Variants in BCL2 observed in about 807,000 individuals in gnomAD.
BCL2 encodes apoptosis regulator Bcl-2.
A neutral mutation model predicts 14.2 loss-of-function variants in BCL2; 1 was observed. That is an observed-to-expected ratio of 0.07 (90% CI 0.02 to 0.33). The LOEUF is 0.33. Ranked by LOEUF, BCL2 falls within the 10% of genes least tolerant of loss-of-function variation. BCL2 has a pLI of 0.99. For missense variants in BCL2, 247 were observed against 305.9 expected, an observed-to-expected ratio of 0.81 and a Z score of 1.44; for synonymous variants, 151 against 137.2, an observed-to-expected ratio of 1.10 and a Z score of -0.70.
chr18:63,315,931 T>A (rs943641795), intron 2 of BCL2: 13 of 152,662 alleles, frequency 8.5e-5, no homozygotes, highest in Admixed American at 2.6e-4. Context: ...TTCTGAAAGC[T>A]ATTACATATT....
At chr18:63,287,714 A>C (rs908839304) in intron 2 of BCL2, among the ~76,000 whole-genome samples, 1 of 152,198 alleles carries the variant, frequency 6.6e-6, no homozygotes, top group African/African-American at 2.4e-5. Context: ...TGCAAGAAGG[A>C]ATGAGAGGTT....
rs2144322257 is a variant in BCL2, at chr18:63,318,246, C to T, written c.421G>A (p.Gly141Arg). ...GCCACAATCCTCCCCCAGTTCACCC[C>T]GTCCCTGAAGAGCTCCTCCACCACC... ...ATVVEELFRD[G>R]VNWGRIVAFF... Residue 141 changes from glycine to arginine, a missense_variant, in exon 2 of 3, where the codon GGG (glycine) becomes AGG (arginine). Around this residue, in one of 3 missense-constraint regions of BCL2, gnomAD observed 67 missense variants for 145.7 expected, o/e 0.46. Transcript: ENST00000333681. This position sits in a 1 kb window ranked among gnomAD's most constrained non-coding sequence, Gnocchi z 7.4. The T allele has an allele frequency of 6.2e-7, 1 of 1,614,236 alleles. No homozygotes were observed.
intron 2 of BCL2, among the ~76,000 whole-genome samples, chr18:63,241,238 G>A (rs761478706): frequency 3.3e-5 from 5 of 152,160 alleles, no homozygotes; most frequent in South Asian, 4.1e-4. Context: ...TTTACATAGC[G>A]CTTGTTATTT....
At chr18:63,197,038 C>A (rs925740998) in intron 2 of BCL2, among the ~76,000 whole-genome samples, 3 of 152,190 alleles carry the variant, frequency 2.0e-5, no homozygotes, top group Non-Finnish European at 4.4e-5. Flanking sequence ...ATCTTCTTCA[C>A]GTTTTGATTT....
At chr18:63,208,877 G>A (rs1909918770) in intron 2 of BCL2, among the ~76,000 whole-genome samples, 1 of 152,142 alleles carries the variant, frequency 6.6e-6, no homozygotes, top group African/African-American at 2.4e-5. Context: ...CTGCCACGTT[G>A]TCCTGAACAA....
intron 2 of BCL2, among the ~76,000 whole-genome samples, chr18:63,215,031 T>A (rs934230579): frequency 2.2e-4 from 33 of 152,150 alleles, no homozygotes; most frequent in African/African-American, 7.0e-4. Flanking sequence ...TTTCTATAAA[T>A]AATACTTCCC....
At chr18:63,260,455 T>C (rs1011004350) in intron 2 of BCL2, among the ~76,000 whole-genome samples, 1 of 152,186 alleles carries the variant, frequency 6.6e-6, no homozygotes, top group Non-Finnish European at 1.5e-5. Context: ...TACTAGTCCA[T>C]AGAACTTTCC....
At chr18:63,190,881 T>C (rs1282044626) in intron 2 of BCL2, among the ~76,000 whole-genome samples, 1 of 152,114 alleles carries the variant, frequency 6.6e-6, no homozygotes, top group East Asian at 1.9e-4. Context: ...CAGGCTCCAG[T>C]GTGTTGTTCC....
intron 2 of BCL2, among the ~76,000 whole-genome samples, chr18:63,252,617 G>T (rs1255506153): frequency 6.6e-6 from 1 of 152,128 alleles, no homozygotes; most frequent in East Asian, 1.9e-4. Flanking sequence ...AGCTCTCTTT[G>T]CCTGCCACCA....
intron 2 of BCL2, among the ~76,000 whole-genome samples, chr18:63,244,469 G>T (rs1435624708): frequency 4.6e-5 from 7 of 152,184 alleles, no homozygotes. Flanking sequence ...TGAGGCAGGA[G>T]AATCACTTGA....
chr18:63,138,841 C>T lies in BCL2; in HGVS notation c.586-10082G>A, dbSNP rs1040433589. Among the ~76,000 whole-genome samples, 10 of 152,360 alleles carry T rather than the reference C, an allele frequency of 6.6e-5. No homozygotes were observed. In the South Asian group the frequency reaches 1.2e-3, roughly 19 times the overall value. On this transcript the variant is annotated intron_variant, in intron 2 of 2. Coordinates refer to ENST00000333681, the MANE Select transcript of BCL2 (RefSeq NM_000633.3). ...TGGTCCAGGGAAGTTCTGGTGTGTT[C>T]TGTTATGCAAATTTAGCTAAGAATG...
chr18:63,125,209 A>G lies in BCL2; in HGVS notation c.*3416T>C. 4.4e-6 allele frequency: 1 copy of G among 225,272 alleles called. No homozygotes were observed. The allele number at this position is 225,272 out of a possible 1,614,324, so 14.0% of individuals were successfully genotyped here. On this transcript the variant is annotated 3_prime_UTR_variant, in exon 3 of 3. Coordinates refer to ENST00000333681, the MANE Select transcript of BCL2 (RefSeq NM_000633.3). The stretch of plus-strand genomic sequence containing the variant: ...TAAAACAAAGATCACATATAAATGG[A>G]AGGCCACATCTGAACACAGAGAGGT...
At chr18:63,141,758 C>G (rs949926978) in intron 2 of BCL2, among the ~76,000 whole-genome samples, 1 of 152,250 alleles carries the variant, frequency 6.6e-6, no homozygotes, top group Admixed American at 6.5e-5. Context: ...ACGCCACTGT[C>G]CATACCTGTC....
intron 2 of BCL2, among the ~76,000 whole-genome samples, chr18:63,271,946 T>G: frequency 6.6e-6 from 1 of 152,238 alleles, no homozygotes; most frequent in Non-Finnish European, 1.5e-5. Flanking sequence ...AAGTTCCTCC[T>G]TCTGCTTCCC....
At chr18:63,292,945 G>T (rs778211886) in intron 2 of BCL2, among the ~76,000 whole-genome samples, 1 of 152,236 alleles carries the variant, frequency 6.6e-6, no homozygotes, top group African/African-American at 2.4e-5. Context: ...TAATAATAGC[G>T]ACGGCTCTCA....
At chr18:63,161,446 C>T (rs189459376) in intron 2 of BCL2, among the ~76,000 whole-genome samples, 70 of 152,292 alleles carry the variant, frequency 4.6e-4, no homozygotes, top group African/African-American at 1.6e-3. Flanking sequence ...TTCTTTGCAA[C>T]GAATGAAGAC....
Position 63,290,252 on chromosome 18 carries a change from T to G in BCL2, c.585+27830A>C, listed in dbSNP as rs568889583. 2.0e-3 allele frequency among the ~76,000 whole-genome samples: 303 copies of G among 152,256 alleles called. 1 individual carries two copies. Among genetic ancestry groups the G allele is most frequent in the African/African-American group, 7.0e-3 (292 of 41,540 alleles). On this transcript the variant is annotated intron_variant, in intron 2 of 2. Transcript: ENST00000333681. Reference sequence around the variant, plus strand: ...TTGAACTGCCAACAGGAAGTCCAGATAGAAAGGGTCATCAGGAAATAGTAT... The same window carrying G: ...TTGAACTGCCAACAGGAAGTCCAGAGAGAAAGGGTCATCAGGAAATAGTAT...
At chr18:63,182,738 T>C (rs905802191) in intron 2 of BCL2, among the ~76,000 whole-genome samples, 1 of 152,214 alleles carries the variant, frequency 6.6e-6, no homozygotes, top group African/African-American at 2.4e-5. Flanking sequence ...CAAACATGCA[T>C]ACCACATGTA....
intron 2 of BCL2, among the ~76,000 whole-genome samples, chr18:63,296,905 T>C (rs900532187): frequency 2.6e-5 from 4 of 152,252 alleles, no homozygotes; most frequent in Non-Finnish European, 5.9e-5. Context: ...AGACCAGTGC[T>C]GTCCAATAGA....
Sources: gnomAD v4.1 joint callset for allele counts (sites outside exome capture counted in the v4.1 genomes callset) on GRCh38, gnomAD v4.1.1 for gene constraint, gnomAD v4.1.1 regional missense constraint, Gnocchi (gnomAD v3.1) non-coding constraint, MANE v1.5 for transcripts, NCBI Gene and HGNC (gene_info 2026-07-23, HGNC 2026-07-21) for gene names.